HGFAC: variants seen among roughly 807,000 people sequenced by gnomAD.
The protein encoded by HGFAC is hepatocyte growth factor activator serine protease.
In HGFAC, 76 loss-of-function variants were observed where a neutral mutation model predicts 70.6. The ratio of observed to expected loss-of-function variants is 1.08; its 90% CI spans 0.89 to 1.30. The LOEUF is 1.30. Ranked by LOEUF, HGFAC falls within the 50% of genes most tolerant of loss-of-function variation. HGFAC has a pLI of 0.00. For missense variants in HGFAC, 1,044 were observed against 933.7 expected (o/e 1.12, Z -1.54); for synonymous variants, 464 against 405.3 (o/e 1.14, Z -1.74).
In HGFAC at chr4:3,442,755, T is replaced by TA; in HGVS notation, c.143dup (p.Asn48LysfsTer19). The TA allele has an allele frequency of 6.6e-7, 1 of 1,517,776 alleles. No individual in the cohort carries two copies. The highest frequency in any genetic ancestry group is 2.3e-5 in the East Asian group (1 of 43,050). The allele number at this position is 1,517,776 out of a possible 1,614,324, so 94.0% of individuals were successfully genotyped here. ...AGAACCGTACGGAGTCCCCAGAACC[T>TA]AATGCCACAGCGACCCCTGCGATCC... On this transcript the variant is annotated frameshift_variant, in exon 2 of 14. Transcript: ENST00000382774. LOFTEE classifies it high-confidence loss of function.
In HGFAC at chr4:3,443,064, G is replaced by A. The variant is rs374649088; in HGVS notation, c.313G>A (p.Gly105Arg). 22 of 1,598,998 alleles carry A rather than the reference G, an allele frequency of 1.4e-5. No individual in the cohort carries two copies. In the African/African-American group the frequency reaches 1.5e-4, roughly 11 times the overall value. Residue 105 changes from glycine (G) to arginine (R), a missense_variant, in exon 3 of 14, where the codon GGG becomes AGG. Transcript: ENST00000382774. ...CCTCCCCACAGCACTCACCGAGGAC[G>A]GGAGGCCCTGCAGGTTCCCCTTCCG... ...SPQAQALTED[G>R]RPCRFPFRYG...
intron 1 of HGFAC, 31 bp downstream of exon 1, chr4:3,442,149 G>T: frequency 1.3e-6 from 2 of 1,511,550 alleles, no homozygotes; most frequent in Middle Eastern, 1.7e-4. Flanking sequence ...AGTGCGACCA[G>T]AGGTTCCCAG....
intron 11 of HGFAC, 50 bp downstream of exon 11, chr4:3,447,681 TC>T (rs1725565076): frequency 1.5e-5 from 24 of 1,605,096 alleles, no homozygotes; most frequent in Non-Finnish European, 2.0e-5. Flanking sequence ...GGCCCTGTGC[TC>T]CCCAGGCCAG....
intron 1 of HGFAC, 32 bp downstream of exon 1, chr4:3,442,150 A>G: frequency 6.6e-7 from 1 of 1,507,868 alleles, no homozygotes; most frequent in Non-Finnish European, 8.9e-7. Flanking sequence ...GTGCGACCAG[A>G]GGTTCCCAGT....
At position 3,445,146 on chromosome 4, in the gene HGFAC, C is replaced by T. The variant is rs186940347; in HGVS notation, c.1017-119C>T. On this transcript the variant is annotated intron_variant, in intron 8 of 13. Transcript: ENST00000382774. ...TGGGAGGCTGCCCGAGGGAGGGCCA[C>T]TCTCTTCCCACTGCTCCAGGTGCGG... 2.5e-3 allele frequency: 3,235 copies of T among 1,284,646 alleles called. 28 individuals carry two copies. The highest frequency in any genetic ancestry group is 6.0e-3 in the South Asian group (444 of 74,304). 79.6% of individuals were successfully genotyped at this position (1,284,646 alleles called of 1,614,324 possible).
In HGFAC at chr4:3,442,875, C is replaced by T. The variant is rs772410260; in HGVS notation, c.261C>T (p.Pro87=). Residue 87 remains proline (P), a synonymous_variant, in exon 2 of 14, where the codon CCC becomes CCT. Transcript: ENST00000382774. The part of the protein sequence containing the change: ...GPQSGGLPPP[P]RAVPSSSSPQ... ...AAAGTGGGGGGCTCCCGCCCCCGCC[C>T]AGGGCAGTTCCCTCGAGCAGTAGCC... The T allele has an allele frequency of 3.2e-6, 5 of 1,568,576 alleles. No individual in the cohort carries two copies. Among genetic ancestry groups the T allele is most frequent in the Non-Finnish European group, 4.3e-6 (5 of 1,161,954 alleles).
chr4:3,445,220 G>A (rs1041558920), intron 8 of HGFAC, 45 bp from the exon 9 acceptor site: 13 of 1,476,824 alleles, frequency 8.8e-6, no homozygotes, highest in African/African-American at 2.8e-5. Context: ...TGCCCTCTTC[G>A]AGGGGCAGTG....
intron 1 of HGFAC, 146 bp downstream of exon 1, chr4:3,442,264 C>A: frequency 1.6e-6 from 1 of 619,576 alleles, no homozygotes; most frequent in Non-Finnish European, 2.7e-6. Context: ...TGAAAGCTGG[C>A]CCTCACAGGG....
chr4:3,446,021 C>G, intron 9 of HGFAC, 21 bp from the exon 10 acceptor site: 1 of 1,605,472 alleles, frequency 6.2e-7, no homozygotes, highest in Non-Finnish European at 8.5e-7. Context: ...AGGGGTGTGA[C>G]CCGGTGACCT....
chr4:3,444,257 C>A lies in HGFAC; in HGVS notation c.599-54C>A, dbSNP rs532318836. On this transcript the variant is annotated intron_variant, in intron 5 of 13. Transcript: ENST00000382774. ...TGGCTCCCGAGTGCAGGGCAGGGGCCCTGCACGGGGACAGCAGGTGGCAGG... is the reference window on the plus strand; with the variant it reads ...TGGCTCCCGAGTGCAGGGCAGGGGCACTGCACGGGGACAGCAGGTGGCAGG... The A allele has an allele frequency of 1.6e-3, 2,440 of 1,564,900 alleles. 12 individuals carry two copies. The highest frequency in any genetic ancestry group is 4.7e-3 in the Middle Eastern group (28 of 5,936).
upstream of HGFAC, among the ~76,000 whole-genome samples, chr4:3,441,142 A>G (rs375910868): frequency 2.1e-4 from 32 of 152,184 alleles, no homozygotes; most frequent in East Asian, 5.6e-3. The surrounding 1 kb of genome is among the most constrained non-coding windows in gnomAD (Gnocchi z 6.0). Context: ...CCACAGCCCC[A>G]AGTCACGAAT....
chr4:3,445,967 C>T (rs548879515), intron 9 of HGFAC, 75 bp from the exon 10 acceptor site: 39 of 1,578,512 alleles, frequency 2.5e-5, no homozygotes, highest in Admixed American at 9.0e-5. Flanking sequence ...CGCCTCCTGC[C>T]GGGTAGGGCC....
rs2109297350 is a variant in HGFAC, at chr4:3,444,735, T to C, written c.841+2T>C. On this transcript the variant is annotated splice_donor_variant, in intron 7 of 13. Transcript: ENST00000382774. LOFTEE classifies it high-confidence loss of function. Reference sequence around the variant, plus strand: ...TCGCTGGACGGCTCTGCAACATCGGTGAGTGGGTCAGCCCCCCGGGGTGCC... The same window carrying C: ...TCGCTGGACGGCTCTGCAACATCGGCGAGTGGGTCAGCCCCCCGGGGTGCC... 3.1e-6 allele frequency: 5 copies of C among 1,589,182 alleles called. No individual in the cohort carries two copies. The highest frequency in any genetic ancestry group is 3.4e-6 in the Non-Finnish European group (4 of 1,173,080).
rs557625670 is a variant in HGFAC at position 3,448,012 on chromosome 4, C to A, written c.1613C>A (p.Ala538Glu). The change falls in exon 12 of 14, where the codon GCG becomes GAG. Residue 538 changes from alanine to glutamate, a missense_variant. Ala to Glu is a moderately radical substitution (Grantham distance 107, BLOSUM62 -1). Coordinates refer to ENST00000382774, the MANE Select transcript of HGFAC (RefSeq NM_001528.4). Reference sequence around the variant, plus strand: ...CCCGCAGGACACAAGTGCCAGATTGCGGGCTGGGGCCACTTGGATGAGAGT... The same window carrying A: ...CCCGCAGGACACAAGTGCCAGATTGAGGGCTGGGGCCACTTGGATGAGAGT... ...TFPAGHKCQI[A>E]GWGHLDENVS... is the part of the protein sequence containing the mutation. The A allele has an allele frequency of 2.6e-6, 4 of 1,560,256 alleles. No homozygotes were observed. The highest frequency in any genetic ancestry group is 1.9e-5 in the Admixed American group (1 of 52,418).
chr4:3,443,277 G>C, intron 3 of HGFAC, 64 bp from the exon 4 acceptor site: 1 of 1,419,848 alleles, frequency 7.0e-7, no homozygotes, highest in Non-Finnish European at 9.6e-7. Context: ...GACCCTCCAG[G>C]GTGGTGGGGT....
intron 9 of HGFAC, 118 bp downstream of exon 9, chr4:3,445,468 T>A: frequency 1.3e-6 from 1 of 767,158 alleles, no homozygotes; most frequent in South Asian, 1.5e-5. Context: ...ATGGGGAAAC[T>A]GGAGCTCACG....
chr4:3,441,419 C>T (rs999694586), upstream of HGFAC, among the ~76,000 whole-genome samples: 5 of 152,140 alleles, frequency 3.3e-5, no homozygotes, highest in East Asian at 9.6e-4. This position sits in a 1 kb window ranked among gnomAD's most constrained non-coding sequence, Gnocchi z 6.0. Flanking sequence ...TCAGCCATTG[C>T]GTGGCCCCTC....
chr4:3,445,365 G>C lies in HGFAC; in HGVS notation c.1102+15G>C, dbSNP rs768074771. 19 of 1,549,426 alleles carry C rather than the reference G, an allele frequency of 1.2e-5. No homozygotes were observed. Among genetic ancestry groups the C allele is most frequent in the East Asian group, 2.4e-5 (1 of 41,354 alleles). ...GGAGGCCTGCGGTGCGCGGCTGGCG[G>C]GGGGTGCTGCCTTGGGCCCCACCGA... On this transcript the variant is annotated intron_variant, in intron 9 of 13. Transcript: ENST00000382774.
chr4:3,442,997 G>A (rs1725365448), intron 2 of HGFAC, 53 bp from the exon 3 acceptor site: 1 of 1,548,386 alleles, frequency 6.5e-7, no homozygotes, highest in Non-Finnish European at 8.8e-7. Flanking sequence ...GAGGTCCTGA[G>A]GGGCTCGGGT....
Sources: gnomAD v4.1 joint callset for allele counts (sites outside exome capture counted in the v4.1 genomes callset) on GRCh38, gnomAD v4.1.1 for gene constraint, Gnocchi (gnomAD v3.1) non-coding constraint, MANE v1.5 for transcripts, NCBI Gene and HGNC (gene_info 2026-07-23, HGNC 2026-07-21) for gene names.